PLA2G4B: variants seen among roughly 807,000 people sequenced by gnomAD.
The protein encoded by PLA2G4B is cytosolic phospholipase A2 beta.
In PLA2G4B, 122 loss-of-function variants were observed where a neutral mutation model predicts 95.8. The observed-to-expected ratio is 1.27, with a 90% CI of 1.10 to 1.48. PLA2G4B has a LOEUF of 1.48. Ranked by LOEUF, PLA2G4B falls within the 40% of genes most tolerant of loss-of-function variation. PLA2G4B has a pLI of 0.00. For missense variants in PLA2G4B, 1,158 were observed against 996.2 expected (o/e 1.16, Z -2.19); for synonymous variants, 518 against 421.5 (o/e 1.23, Z -2.80).
At position 41,847,471 on chromosome 15, in the gene PLA2G4B, G is replaced by C; in HGVS notation, c.2082G>C (p.Ala694=). ...ACCCCACCTGCCCCGGAGCCCCTGC[G>C]GTGCTGCACTTTCCTCTGGTCAGCG... ...FSDPTCPGAP[A]VLHFPLVSDS... Residue 694 remains alanine, a synonymous_variant, in exon 19 of 20, where the codon GCG becomes GCC. Transcript: ENST00000458483. 2 of 1,612,238 alleles carry C rather than the reference G, an allele frequency of 1.2e-6. No homozygotes were observed. The highest frequency in any genetic ancestry group is 1.1e-5 in the South Asian group (1 of 90,990).
Position 41,840,776 on chromosome 15 carries a change from T to C in PLA2G4B, c.222T>C (p.Asn74=), listed in dbSNP as rs1442735041. The C allele has an allele frequency of 1.2e-6, 2 of 1,613,600 alleles. No homozygotes were observed. Among genetic ancestry groups the C allele is most frequent in the African/African-American group, 2.7e-5 (2 of 75,024 alleles). ...CCTGTCACTCTTTTCCCCTCCAGAA[T>C]GTCATGGAACTGAAAGTCTTTGACC... ...FHFRIHRQLK[N]VMELKVFDQD... is the part of the protein sequence containing the mutation. The change falls in exon 4 of 20, where the codon AAT becomes AAC. Residue 74 remains asparagine (N), a splice_region_variant and synonymous_variant. Transcript: ENST00000458483.
At position 41,840,806 on chromosome 15, in the gene PLA2G4B, C is replaced by T; in HGVS notation, c.252C>T (p.Asp84=). The T allele has an allele frequency of 1.9e-6, 3 of 1,614,070 alleles. No homozygotes were observed. In the South Asian group the frequency reaches 3.3e-5, roughly 18 times the overall value. Residue 84 remains aspartate, a synonymous_variant, in exon 4 of 20, where the codon GAC becomes GAT. Transcript: ENST00000458483. ...TGGAACTGAAAGTCTTTGACCAGGACCTGGTGACCGGAGATGACCCTGTGT... is the reference window on the plus strand; with the variant it reads ...TGGAACTGAAAGTCTTTGACCAGGATCTGGTGACCGGAGATGACCCTGTGT... ...NVMELKVFDQ[D]LVTGDDPVLS...
chr15:41,842,165 T>C (rs2065444279), intron 8 of PLA2G4B, 28 bp from the exon 9 acceptor site: 3 of 1,613,010 alleles, frequency 1.9e-6, no homozygotes, highest in Non-Finnish European at 2.5e-6. Flanking sequence ...GTAAAGATTC[T>C]TAGGTCTGCA....
At chr15:41,842,531 A>T (rs1359251673) in intron 9 of PLA2G4B, 23 bp from the exon 10 acceptor site, 2 of 1,611,480 alleles carry the variant, frequency 1.2e-6, no homozygotes, top group Non-Finnish European at 1.7e-6. Context: ...ACCTTTTGTG[A>T]CTGGGGCCTT....
Position 41,846,283 on chromosome 15 carries a change from C to G in PLA2G4B, c.1681C>G (p.Leu561Val), listed in dbSNP as rs2065543468. 1 of 1,614,014 alleles carries G rather than the reference C, an allele frequency of 6.2e-7. No individual in the cohort carries two copies. The highest frequency in any genetic ancestry group is 1.7e-5 in the Admixed American group (1 of 60,002). ...GATAGCTGAGTTTTTCACCGATCTT[C>G]TGACGTGGCGTCCACTGGCCCAGGC... ...GRIAEFFTDL[L>V]TWRPLAQATH... Residue 561 changes from leucine (L) to valine (V), a missense_variant, in exon 17 of 20, where the codon CTG becomes GTG. By Grantham distance (32) the Leu-to-Val change is conservative. Transcript: ENST00000458483.
chr15:41,845,645 C>T lies in PLA2G4B; in HGVS notation c.1365C>T (p.Cys455=), dbSNP rs757412696. 12 of 1,614,120 alleles carry T rather than the reference C, an allele frequency of 7.4e-6. No homozygotes were observed. Among genetic ancestry groups the T allele is most frequent in the African/African-American group, 1.3e-5 (1 of 75,040 alleles). Residue 455 remains cysteine, a synonymous_variant, in exon 15 of 20, where the codon TGC becomes TGT. Coordinates refer to ENST00000458483, the MANE Select transcript of PLA2G4B (RefSeq NM_001114633.2). Reference sequence around the variant, plus strand: ...GGCGTGGACTCCTCACAGAGTGGTGCGAGTTCTCTCCCTACGAGGTCGGCT... The same window carrying T: ...GGCGTGGACTCCTCACAGAGTGGTGTGAGTTCTCTCCCTACGAGGTCGGCT... ...SLTTFEFGEW[C]EFSPYEVGFP... is the part of the protein sequence containing the mutation.
chr15:41,843,455 C>T (rs774857710), intron 10 of PLA2G4B, among the ~76,000 whole-genome samples: 32 of 152,224 alleles, frequency 2.1e-4, no homozygotes, highest in South Asian at 4.1e-4. Flanking sequence ...CTTTCGGCCA[C>T]GGCATTCTGG....
chr15:41,841,747 G>A lies in PLA2G4B; in HGVS notation c.491-72G>A, dbSNP rs528186516. ...GCGGGGAGAGGGAGGTGCCCTCCAGGCCACGCAGCAAGATGGGTTCTGTGG... is the reference window on the plus strand; with the variant it reads ...GCGGGGAGAGGGAGGTGCCCTCCAGACCACGCAGCAAGATGGGTTCTGTGG... On this transcript the variant is annotated intron_variant, in intron 7 of 19. Transcript: ENST00000458483. 5.0e-6 allele frequency: 8 copies of A among 1,587,206 alleles called. No homozygotes were observed. In the Admixed American group the frequency reaches 1.0e-4, roughly 20 times the overall value.
chr15:41,839,013 T>C lies in PLA2G4B; in HGVS notation c.9+91T>C. ...ATGTTTCTTATGGGAGCTGTGGTCT[T>C]CTCCAGGGGTAGGGAGGGGAGTTTA... On this transcript the variant is annotated intron_variant, in intron 1 of 19. Transcript: ENST00000458483. 3 of 1,097,476 alleles carry C rather than the reference T, an allele frequency of 2.7e-6. No individual in the cohort carries two copies. In the South Asian group the frequency reaches 4.4e-5, roughly 16 times the overall value. 68.0% of individuals were successfully genotyped at this position (1,097,476 alleles called of 1,614,324 possible). A position where few individuals can be genotyped will look rare whatever the true frequency, so the allele number is the denominator to read the frequency against.
In PLA2G4B at chr15:41,844,544, G is replaced by A. The variant is rs957579225; in HGVS notation, c.953G>A (p.Gly318Asp). The part of the protein sequence containing the change: ...AMTSLYGQLA[G>D]LKELGLLDCV... ...ACTTCCCTGTATGGGCAGCTGGCTG[G>A]CCTGAAGGAGCTGGGCCTCTTGGAT... Residue 318 changes from glycine to aspartate, a missense_variant, in exon 12 of 20, where the codon GGC (glycine) becomes GAC (aspartate). Physicochemically the swap from Gly to Asp is moderately conservative, Grantham distance 94. Transcript: ENST00000458483. 2 of 1,614,074 alleles carry A rather than the reference G, an allele frequency of 1.2e-6. No homozygotes were observed. Among genetic ancestry groups the A allele is most frequent in the African/African-American group, 2.7e-5 (2 of 74,922 alleles).
intron 15 of PLA2G4B, 29 bp from the exon 16 acceptor site, chr15:41,845,914 G>A (rs753591547): frequency 1.3e-6 from 2 of 1,514,860 alleles, no homozygotes; most frequent in Non-Finnish European, 1.8e-6. Context: ...AGAGTCGGGG[G>A]CCCTCTTCCC....
intron 17 of PLA2G4B, 138 bp downstream of exon 17, chr15:41,846,520 C>G (rs895882799): frequency 6.6e-7 from 1 of 1,503,878 alleles, no homozygotes; most frequent in Non-Finnish European, 8.9e-7. Flanking sequence ...TCTTTTTCTC[C>G]TTGTCTTGGG....
At chr15:41,842,613 T>G in intron 10 of PLA2G4B, 22 bp downstream of exon 10, 1 of 1,606,146 alleles carries the variant, frequency 6.2e-7, no homozygotes, top group Non-Finnish European at 8.5e-7. Flanking sequence ...GGCTGGGGAC[T>G]GGGCAAGGCC....
rs1465212193 is a variant in PLA2G4B at position 41,846,243 on chromosome 15, C to T, written c.1641C>T (p.Pro547=). 3.1e-6 allele frequency: 5 copies of T among 1,613,950 alleles called. No individual in the cohort carries two copies. Among genetic ancestry groups the T allele is most frequent in the Non-Finnish European group, 4.2e-6 (5 of 1,180,000 alleles). ...CCCTTCTGAAGATAGAAGAACCACC[C>T]TCAACAGCCGGCAGGATAGCTGAGT... The part of the protein sequence containing the change: ...QVPLLKIEEP[P]STAGRIAEFF... Residue 547 remains proline (P), a synonymous_variant, in exon 17 of 20, where the codon CCC becomes CCT. Transcript: ENST00000458483.
chr15:41,845,412 A>C (rs1173435820), intron 14 of PLA2G4B, 92 bp downstream of exon 14: 20 of 1,505,916 alleles, frequency 1.3e-5, no homozygotes, highest in Non-Finnish European at 1.5e-5. Flanking sequence ...TGTCACACCC[A>C]CCTCTCCTGA....
chr15:41,845,055 G>C lies in PLA2G4B; in HGVS notation c.1224G>C (p.Ala408=). Residue 408 remains alanine, a synonymous_variant, in exon 13 of 20, where the codon GCG becomes GCC. Transcript: ENST00000458483. The part of the protein sequence containing the change: ...FTNLWALINE[A]LLHDEPHDHK... ...ACCTGTGGGCCCTCATCAACGAGGCGCTGCTGCATGATGAGGTGCGGGGGC... is the reference window on the plus strand; with the variant it reads ...ACCTGTGGGCCCTCATCAACGAGGCCCTGCTGCATGATGAGGTGCGGGGGC... The C allele has an allele frequency of 6.3e-7, 1 of 1,597,588 alleles. No individual in the cohort carries two copies. Among genetic ancestry groups the C allele is most frequent in the Non-Finnish European group, 8.5e-7 (1 of 1,171,406 alleles).
intron 9 of PLA2G4B, 72 bp downstream of exon 9, chr15:41,842,348 T>G: frequency 6.3e-7 from 1 of 1,593,484 alleles, no homozygotes; most frequent in Non-Finnish European, 8.6e-7. Flanking sequence ...GGGAGGGGCC[T>G]GCTTCCCGCT....
intron 2 of PLA2G4B, 102 bp downstream of exon 2, chr15:41,840,332 T>G (rs1033952598): frequency 6.3e-7 from 1 of 1,574,944 alleles, no homozygotes; most frequent in East Asian, 2.3e-5. Context: ...GGTGGGCCGG[T>G]GGGCAGGGCC....
chr15:41,842,420 G>T, intron 9 of PLA2G4B, 134 bp from the exon 10 acceptor site: 5 of 1,551,642 alleles, frequency 3.2e-6, no homozygotes, highest in Non-Finnish European at 4.4e-6. Flanking sequence ...TGTCCTCTGA[G>T]CATCCCTGCT....
Sources: gnomAD v4.1 joint callset for allele counts (sites outside exome capture counted in the v4.1 genomes callset) on GRCh38, gnomAD v4.1.1 for gene constraint, MANE v1.5 for transcripts, NCBI Gene and HGNC (gene_info 2026-07-23, HGNC 2026-07-21) for gene names.